Variants in SNAPC3 observed in about 807,000 individuals in gnomAD.
SNAPC3 encodes snRNA-activating protein complex subunit 3.
Under a neutral mutation model 47.7 loss-of-function variants are expected in SNAPC3, and 56 were observed. The ratio of observed to expected loss-of-function variants is 1.18; its 90% confidence interval spans 0.95 to 1.47. SNAPC3 has a LOEUF of 1.47. SNAPC3 is among the 40% of genes most tolerant of loss of function. The pLI, the probability that SNAPC3 is intolerant of heterozygous loss-of-function variation, is 0.00. For missense variants in SNAPC3, 665 were observed against 511.3 expected (o/e 1.30, Z -2.90); for synonymous variants, 235 against 189.9 (o/e 1.24, Z -1.95).
chr9:15,438,274 T>C (rs184434007), intron 3 of SNAPC3, among the ~76,000 whole-genome samples: 8 of 152,274 alleles, frequency 5.3e-5, no homozygotes, highest in Admixed American at 5.2e-4. Flanking sequence ...CAAACAGTAG[T>C]TCATAGTTTT....
intron 6 of SNAPC3, 110 bp downstream of exon 6, chr9:15,451,512 A>G (rs1417127804): frequency 2.1e-6 from 1 of 485,734 alleles, no homozygotes; most frequent in Non-Finnish European, 3.6e-6. Flanking sequence ...CCAAGGAATT[A>G]TTGATAAATC....
downstream of SNAPC3, chr9:15,464,783 C>T: frequency 9.7e-6 from 2 of 206,208 alleles, no homozygotes; most frequent in Non-Finnish European, 2.0e-5. Flanking sequence ...AGATTCATTC[C>T]TATATATACC....
intron 3 of SNAPC3, among the ~76,000 whole-genome samples, chr9:15,435,243 C>T (rs1032114321): frequency 6.6e-6 from 1 of 152,056 alleles, no homozygotes; most frequent in East Asian, 1.9e-4. Context: ...AATATTTTGT[C>T]CATTTTCAAA....
chr9:15,442,724 C>T (rs76226569), intron 3 of SNAPC3, among the ~76,000 whole-genome samples: 3 of 151,858 alleles, frequency 2.0e-5, no homozygotes, highest in South Asian at 2.1e-4. Context: ...ACATCCCAGA[C>T]GATGGGCAGC....
rs1320936552 is a variant in SNAPC3, at chr9:15,461,548, A to C, written c.*1682A>C. 2 of 152,234 alleles carry C rather than the reference A, an allele frequency of 1.3e-5. No individual in the cohort carries two copies. Among genetic ancestry groups the C allele is most frequent in the Non-Finnish European group, 2.9e-5 (2 of 68,032 alleles). The allele number at this position is 152,234 out of a possible 1,614,324, so 9.4% of individuals were successfully genotyped here. ...GGAACCTTTATGGGTAGAACATTTA[A>C]TACTGTTTAGAAGACTTTTAGGAAT... On this transcript the variant is annotated 3_prime_UTR_variant, in exon 9 of 9. Transcript: ENST00000380821.
At chr9:15,455,754 A>T (rs1339992391) in intron 7 of SNAPC3, among the ~76,000 whole-genome samples, 1 of 151,356 alleles carries the variant, frequency 6.6e-6, no homozygotes, top group Admixed American at 6.6e-5. Flanking sequence ...GCTGGAATGC[A>T]GTGGCATGAT....
intron 3 of SNAPC3, among the ~76,000 whole-genome samples, chr9:15,435,844 CTTTTTTT>C (rs57744583): frequency 8.1e-6 from 1 of 123,842 alleles, no homozygotes. Context: ...ACTTTTCTTT[CTTTTTTT>C]TTTTTTTTTG....
intron 3 of SNAPC3, among the ~76,000 whole-genome samples, chr9:15,439,940 T>C (rs1424459736): frequency 6.6e-6 from 1 of 152,248 alleles, no homozygotes; most frequent in Non-Finnish European, 1.5e-5. Flanking sequence ...GATGGGTTTA[T>C]TGGGGTCTTA....
rs1159945003 is a variant in SNAPC3, at chr9:15,460,677, C to CACCG, written c.*812_*815dup. The stretch of plus-strand genomic sequence containing the variant: ...AAATTTTGGGATCACAGGCGTGAGC[C>CACCG]ACCGCGCCCGGCTGCTTTGGGGGAA... On this transcript the variant is annotated 3_prime_UTR_variant, in exon 9 of 9. Transcript: ENST00000380821. 6.6e-6 allele frequency: 1 copy of CACCG among 152,344 alleles called. No homozygotes were observed. Among genetic ancestry groups the CACCG allele is most frequent in the Non-Finnish European group, 1.5e-5 (1 of 68,118 alleles). The allele number at this position is 152,344 out of a possible 1,614,324, so 9.4% of individuals were successfully genotyped here.
intron 7 of SNAPC3, among the ~76,000 whole-genome samples, 181 bp from the exon 8 acceptor site, chr9:15,457,779 G>C (rs9650682): frequency 0.7 from 105,546 of 151,854 alleles, 38,970 homozygotes; most frequent in Non-Finnish European, 0.82. Flanking sequence ...CTTGGAGAAA[G>C]TATTTTGTGG....
intron 3 of SNAPC3, among the ~76,000 whole-genome samples, chr9:15,443,397 G>GT (rs1015750384): frequency 6.6e-6 from 1 of 152,018 alleles, no homozygotes; most frequent in Non-Finnish European, 1.5e-5. Context: ...TGATTTATAT[G>GT]TTTTTTTGAG....
chr9:15,440,320 T>C (rs2033210277), intron 3 of SNAPC3, among the ~76,000 whole-genome samples: 1 of 152,218 alleles, frequency 6.6e-6, no homozygotes, highest in South Asian at 2.1e-4. Context: ...TGTCTTTTCA[T>C]TTCAGCCTGA....
At chr9:15,436,845 C>T (rs1193161571) in intron 3 of SNAPC3, among the ~76,000 whole-genome samples, 1 of 116,362 alleles carries the variant, frequency 8.6e-6, no homozygotes, top group African/African-American at 3.3e-5. Context: ...TTTTTTGAGA[C>T]GAAGTTTTGC....
downstream of SNAPC3, chr9:15,466,681 A>T: frequency 7.9e-7 from 1 of 1,269,232 alleles, no homozygotes; most frequent in Non-Finnish European, 1.1e-6. Flanking sequence ...ATAACCTTGG[A>T]ACAGAACTGT....
rs766172975 is a variant in SNAPC3 at position 15,457,948 on chromosome 9, C to T, written c.981-12C>T. On this transcript the variant is annotated splice_polypyrimidine_tract_variant and intron_variant, in intron 7 of 8. Transcript: ENST00000380821. Reference sequence around the variant, plus strand: ...TGTCACCTTAATATCTTTATTTTCCCACGAACAAAAGGCTTGTGCATCATG... The same window carrying T: ...TGTCACCTTAATATCTTTATTTTCCTACGAACAAAAGGCTTGTGCATCATG... 3 of 1,513,912 alleles carry T rather than the reference C, an allele frequency of 2.0e-6. No homozygotes were observed. Among genetic ancestry groups the T allele is most frequent in the Non-Finnish European group, 2.7e-6 (3 of 1,110,646 alleles). The allele number at this position is 1,513,912 out of a possible 1,614,324, so 93.8% of individuals were successfully genotyped here.
intron 6 of SNAPC3, among the ~76,000 whole-genome samples, chr9:15,452,475 C>T (rs187891056): frequency 1.3e-5 from 2 of 152,128 alleles, no homozygotes; most frequent in Admixed American, 6.5e-5. Flanking sequence ...GGCACCACCA[C>T]GCCCGGCTGA....
At chr9:15,456,316 G>A (rs1336401187) in intron 7 of SNAPC3, among the ~76,000 whole-genome samples, 1 of 151,760 alleles carries the variant, frequency 6.6e-6, no homozygotes, top group Non-Finnish European at 1.5e-5. Context: ...GGCCTTTTCC[G>A]TACATTTCTT....
At chr9:15,423,634 C>A (rs2030905507) in intron 1 of SNAPC3, among the ~76,000 whole-genome samples, 1 of 152,174 alleles carries the variant, frequency 6.6e-6, no homozygotes, top group Non-Finnish European at 1.5e-5. Flanking sequence ...TATTCTGTTA[C>A]TGAAATATTT....
intron 2 of SNAPC3, among the ~76,000 whole-genome samples, chr9:15,428,239 A>G (rs2031701398): frequency 6.6e-6 from 1 of 152,214 alleles, no homozygotes; most frequent in South Asian, 2.1e-4. Context: ...TGTTACAAAA[A>G]TGAGCAAGAG....
Sources: allele counts gnomAD v4.1 joint callset (sites outside exome capture counted in the v4.1 genomes callset), GRCh38; gene constraint gnomAD v4.1.1; transcripts MANE v1.5; gene names NCBI Gene and HGNC (gene_info 2026-07-23, HGNC 2026-07-21).